Variants in MYO1B observed in about 807,000 individuals in gnomAD.
MYO1B encodes unconventional myosin-Ib.
Under a neutral mutation model 159.7 loss-of-function variants are expected in MYO1B, and 72 were observed. The ratio of observed to expected loss-of-function variants is 0.45; its 90% CI spans 0.37 to 0.55. The LOEUF (loss-of-function observed/expected upper bound fraction) is 0.55, where lower values mean the gene tolerates loss of function less well. Among genes scored for constraint, MYO1B ranks in the 20% least tolerant of loss-of-function variants. The probability of loss-of-function intolerance (pLI) is 0.00; values close to 1 mark genes in which losing one functional copy is unlikely to be tolerated. For synonymous variants in MYO1B, 468 were observed against 473.8 expected, an observed-to-expected ratio of 0.99 and a Z score of 0.16; for missense variants, 1,062 against 1,364.8, an observed-to-expected ratio of 0.78 and a Z score of 3.50.
intron 21 of MYO1B, among the ~76,000 whole-genome samples, chr2:191,397,484 C>T (rs1418731482): frequency 2.0e-5 from 3 of 152,176 alleles, no homozygotes; most frequent in East Asian, 1.9e-4. Flanking sequence ...ACACAGCACA[C>T]GTTTCAGAGA....
intron 7 of MYO1B, among the ~76,000 whole-genome samples, chr2:191,359,159 A>G (rs1321682536): frequency 6.6e-6 from 1 of 152,184 alleles, no homozygotes; most frequent in Non-Finnish European, 1.5e-5. Context: ...ATCGTACTGC[A>G]TGTTTAACAT....
intron 11 of MYO1B, among the ~76,000 whole-genome samples, chr2:191,364,967 T>G (rs1273699572): frequency 6.6e-6 from 1 of 150,562 alleles, no homozygotes; most frequent in African/African-American, 2.5e-5. Flanking sequence ...GAAGCCAAAT[T>G]GGCCTCCCTG....
intron 2 of MYO1B, among the ~76,000 whole-genome samples, chr2:191,290,677 A>G (rs1688638444): frequency 6.6e-6 from 1 of 152,208 alleles, no homozygotes; most frequent in African/African-American, 2.4e-5. Flanking sequence ...TATGAGTTGT[A>G]ATCAAACATT....
intron 2 of MYO1B, among the ~76,000 whole-genome samples, chr2:191,291,913 G>A (rs773911922): frequency 3.9e-5 from 6 of 152,170 alleles, no homozygotes; most frequent in Admixed American, 6.5e-5. Flanking sequence ...ACCCCACCCA[G>A]CAATCAGCTG....
Position 191,388,769 on chromosome 2 carries a change from C to G in MYO1B, c.1781+1319C>G, listed in dbSNP as rs1695557431. Among the ~76,000 whole-genome samples the G allele has an allele frequency of 2.6e-5, 4 of 152,158 alleles. No individual in the cohort carries two copies. The South Asian group carries it at 8.3e-4, about 32-fold the overall frequency. ...TTTATGTGAAGTGATATGCACAGAT[C>G]TGAAGTGAACAGTTCAATTTTTTTT... On this transcript the variant is annotated intron_variant, in intron 17 of 30. Coordinates refer to ENST00000392318, the MANE Select transcript of MYO1B (RefSeq NM_001130158.3).
At chr2:191,346,171 G>A (rs1304007449) in intron 5 of MYO1B, 65 bp from the exon 6 acceptor site, 5 of 1,223,394 alleles carry the variant, frequency 4.1e-6, no homozygotes, top group South Asian at 1.4e-5. Context: ...TACTGTATTT[G>A]CTTTATCTTT....
At chr2:191,397,400 G>T (rs1415706193) in intron 21 of MYO1B, among the ~76,000 whole-genome samples, 1 of 149,156 alleles carries the variant, frequency 6.7e-6, no homozygotes, top group Non-Finnish European at 1.5e-5. Context: ...GACTCTTAAC[G>T]AGCATGCTGA....
In MYO1B at chr2:191,381,454, C is replaced by A; in HGVS notation, c.1186-8C>A. 1.2e-6 allele frequency: 2 copies of A among 1,605,788 alleles called. No individual in the cohort carries two copies. Among genetic ancestry groups the A allele is most frequent in the South Asian group, 2.2e-5 (2 of 90,860 alleles). ...TTTATAAAGCTGTTTTTCATTTTCTCCATACAGGACAACAGCTTTGAGCAG... is the reference window on the plus strand; with the variant it reads ...TTTATAAAGCTGTTTTTCATTTTCTACATACAGGACAACAGCTTTGAGCAG... On this transcript the variant is annotated splice_polypyrimidine_tract_variant and splice_region_variant and intron_variant, in intron 13 of 30. Coordinates refer to ENST00000392318, the MANE Select transcript of MYO1B (RefSeq NM_001130158.3).
At chr2:191,325,087 C>G (rs924113979) in intron 3 of MYO1B, among the ~76,000 whole-genome samples, 3 of 152,106 alleles carry the variant, frequency 2.0e-5, no homozygotes, top group African/African-American at 7.2e-5. Flanking sequence ...CACCTCAATC[C>G]TGATTGGGCT....
At chr2:191,358,661 A>G (rs1439464422) in intron 7 of MYO1B, among the ~76,000 whole-genome samples, 1 of 152,130 alleles carries the variant, frequency 6.6e-6, no homozygotes, top group Non-Finnish European at 1.5e-5. Context: ...TTGACCTACT[A>G]CAGTTTGCTT....
intron 20 of MYO1B, among the ~76,000 whole-genome samples, chr2:191,393,675 GC>G (rs1695901990): frequency 6.6e-6 from 1 of 152,184 alleles, no homozygotes; most frequent in Non-Finnish European, 1.5e-5. Flanking sequence ...GAAAGCTAAT[GC>G]CATGTTTTTG....
At chr2:191,263,225 C>A in intron 1 of MYO1B, 1 of 636,192 alleles carries the variant, frequency 1.6e-6, no homozygotes, top group Non-Finnish European at 2.0e-6. Context: ...TCTTCCTAGC[C>A]ACAGGATATT....
At chr2:191,339,955 A>G (rs552884824) in intron 4 of MYO1B, among the ~76,000 whole-genome samples, 1 of 152,250 alleles carries the variant, frequency 6.6e-6, no homozygotes, top group South Asian at 2.1e-4. Flanking sequence ...CTCCTGTGAG[A>G]CAGTTAAGAT....
intron 21 of MYO1B, among the ~76,000 whole-genome samples, chr2:191,398,671 G>C (rs1278488346): frequency 6.6e-6 from 1 of 151,534 alleles, no homozygotes; most frequent in African/African-American, 2.4e-5. Context: ...ATGATGGGCG[G>C]GTCAGGCAGA....
chr2:191,323,570 A>G (rs1690864304), intron 3 of MYO1B, among the ~76,000 whole-genome samples: 2 of 152,310 alleles, frequency 1.3e-5, no homozygotes, highest in African/African-American at 4.8e-5. Flanking sequence ...AACGTGGTAT[A>G]TGTTGAGGCT....
At chr2:191,340,732 GT>G (rs11437712) in intron 4 of MYO1B, among the ~76,000 whole-genome samples, 40 of 146,300 alleles carry the variant, frequency 2.7e-4, no homozygotes, top group Middle Eastern at 3.5e-3. Flanking sequence ...GGTTTTTGGT[GT>G]TTTTTTTTTT....
intron 13 of MYO1B, among the ~76,000 whole-genome samples, chr2:191,375,470 A>AAGGTAGAT (rs1553556395): frequency 6.8e-6 from 1 of 146,256 alleles, no homozygotes; most frequent in Non-Finnish European, 1.5e-5. Flanking sequence ...TGATTTGTAA[A>AAGGTAGAT]AGATAGATAG....
chr2:191,312,729 A>G (rs1314587390), intron 3 of MYO1B, among the ~76,000 whole-genome samples: 2 of 152,218 alleles, frequency 1.3e-5, no homozygotes, highest in African/African-American at 4.8e-5. Flanking sequence ...AAGACTGGGA[A>G]TTTTTAAAAA....
intron 23 of MYO1B, 87 bp from the exon 24 acceptor site, chr2:191,402,545 T>C: frequency 9.1e-7 from 1 of 1,094,344 alleles, no homozygotes; most frequent in Non-Finnish European, 1.4e-6. Flanking sequence ...ATAAATTGGC[T>C]CTTCTGTTTG....
Sources: allele counts gnomAD v4.1 joint callset (sites outside exome capture counted in the v4.1 genomes callset), GRCh38; gene constraint gnomAD v4.1.1; transcripts MANE v1.5; gene names NCBI Gene and HGNC (gene_info 2026-07-23, HGNC 2026-07-21).